GNPTG: variants seen among roughly 807,000 people sequenced by gnomAD.
The protein encoded by GNPTG is N-acetylglucosamine-1-phosphotransferase subunit gamma.
GNPTG carries 46 observed loss-of-function variants against 43.8 expected under a neutral mutation model. The ratio of observed to expected loss-of-function variants is 1.05; its 90% CI spans 0.83 to 1.34. The LOEUF (loss-of-function observed/expected upper bound fraction) is 1.34. GNPTG is among the 40% of genes most tolerant of loss of function. The pLI is 0.00. For synonymous variants in GNPTG, 250 were observed against 172.8 expected (o/e 1.45, Z -3.50); for missense variants, 549 against 411.3 (o/e 1.33, Z -2.90).
At chr16:1,359,111 C>G (rs1266740263) in intron 3 of GNPTG, 1 of 152,228 alleles carries the variant, frequency 6.6e-6, no homozygotes, top group African/African-American at 2.4e-5. Flanking sequence ...CTGCCTCGGC[C>G]TCCCGAAGTG....
rs774108877 is a variant in GNPTG, at chr16:1,362,643, G to A, written c.642G>A (p.Glu214=). The change falls in exon 9 of 11, where the codon GAG becomes GAA. Residue 214 remains glutamate (E), a synonymous_variant. Coordinates refer to ENST00000204679, the MANE Select transcript of GNPTG (RefSeq NM_032520.5). ...GHEKLLRTLF[E]DAGYLKTPEE... ...AGAAGTTGCTGAGGACACTTTTTGA[G>A]GATGCTGGCTACTTAAAGACCCCAG... The A allele has an allele frequency of 5.6e-6, 9 of 1,614,042 alleles. No individual in the cohort carries two copies. The African/African-American group carries it at 8.0e-5, about 14-fold the overall frequency.
In GNPTG at chr16:1,362,248, TCCGAG is replaced by T; in HGVS notation, c.461_465del (p.Pro154HisfsTer43). On this transcript the variant is annotated frameshift_variant, in exon 7 of 11. Transcript: ENST00000204679. LOFTEE classifies it high-confidence loss of function. ...AAAAAGCAACCGGCTGGCCCATGTG[TCCGAG>T]CCGAGCACCTGCGTCTACGCGCTGA... is the stretch of plus-strand genomic sequence containing the variant. 6.2e-7 allele frequency: 1 copy of T among 1,613,506 alleles called. No homozygotes were observed. The highest frequency in any genetic ancestry group is 8.5e-7 in the Non-Finnish European group (1 of 1,179,960).
intron 3 of GNPTG, among the ~76,000 whole-genome samples, chr16:1,357,483 T>TTTATTA (rs113850025): frequency 0.026 from 3,851 of 150,572 alleles, 102 homozygotes; most frequent in African/African-American, 0.066. Flanking sequence ...GTATTTCGAC[T>TTTATTA]TTATTATTAT....
rs1018283678 is a variant in GNPTG at position 1,363,352 on chromosome 16, C to G, written c.*261C>G. 3 of 475,126 alleles carry G rather than the reference C, an allele frequency of 6.3e-6. No homozygotes were observed. The highest frequency in any genetic ancestry group is 1.2e-5 in the Non-Finnish European group (3 of 259,364). The allele number at this position is 475,126 out of a possible 1,614,324, so 29.4% of individuals were successfully genotyped here. A position where few individuals can be genotyped will look rare whatever the true frequency, so the allele number is the denominator to read the frequency against. On this transcript the variant is annotated 3_prime_UTR_variant, in exon 11 of 11. Transcript: ENST00000204679. ...TACAAGTAAATGATTATAAATACTA[C>G]CTTCTGGGTTAAGAAAATTCCATTC...
chr16:1,352,967 ATTTTT>A (rs3078768), intron 3 of GNPTG, among the ~76,000 whole-genome samples: 3 of 132,668 alleles, frequency 2.3e-5, no homozygotes, highest in Admixed American at 7.8e-5. Context: ...AAATCCAAGA[ATTTTT>A]TTTTTTTTTT....
rs750277954 is a variant in GNPTG at position 1,361,917 on chromosome 16, G to A, written c.279G>A (p.Glu93=). 7.4e-6 allele frequency: 12 copies of A among 1,613,616 alleles called. No individual in the cohort carries two copies. The East Asian group carries it at 2.0e-4, about 27-fold the overall frequency. The stretch of plus-strand genomic sequence containing the variant: ...CGTTCCACAACGTGACCCAGCACGA[G>A]CAGACCTTCCGCTGGAACGCCTACA... ...FCPFHNVTQH[E]QTFRWNAYSG... The change falls in exon 5 of 11, where the codon GAG becomes GAA. Residue 93 remains glutamate, a synonymous_variant. Coordinates refer to ENST00000204679, the MANE Select transcript of GNPTG (RefSeq NM_032520.5).
chr16:1,363,730 G>A lies in GNPTG; in HGVS notation c.*639G>A, dbSNP rs1365154041. 3 of 164,182 alleles carry A rather than the reference G, an allele frequency of 1.8e-5. No homozygotes were observed. Among genetic ancestry groups the A allele is most frequent in the Non-Finnish European group, 4.0e-5 (3 of 75,146 alleles). The allele number at this position is 164,182 out of a possible 1,614,324, so 10.2% of individuals were successfully genotyped here. On this transcript the variant is annotated 3_prime_UTR_variant, in exon 11 of 11. Transcript: ENST00000204679. ...ACCAAGACAGGTGAGGGAGGCCCCAGGGCACACAGCCCCAGGATCTTGCCC... is the reference window on the plus strand; with the variant it reads ...ACCAAGACAGGTGAGGGAGGCCCCAAGGCACACAGCCCCAGGATCTTGCCC...
intron 3 of GNPTG, chr16:1,361,531 C>G: frequency 5.5e-6 from 3 of 543,864 alleles, no homozygotes; most frequent in Non-Finnish European, 9.9e-6. Context: ...GTAGTCCCAG[C>G]TACTTGGGAG....
At chr16:1,360,326 C>A (rs2034847941) in intron 3 of GNPTG, among the ~76,000 whole-genome samples, 1 of 152,100 alleles carries the variant, frequency 6.6e-6, no homozygotes, top group Non-Finnish European at 1.5e-5. Flanking sequence ...GTCTTTAAAT[C>A]TGAAGTTAGT....
In GNPTG at chr16:1,352,237, A is replaced by G; in HGVS notation, c.111-2A>G. ...CCCCGCTGACCTTGCCGCTTCCCGT[A>G]GGGTGAACAACCCGTTCTTGCCTCA... On this transcript the variant is annotated splice_acceptor_variant, in intron 2 of 10. Transcript: ENST00000204679. LOFTEE classifies it high-confidence loss of function. The G allele has an allele frequency of 6.5e-7, 1 of 1,549,062 alleles. No individual in the cohort carries two copies. The highest frequency in any genetic ancestry group is 1.2e-5 in the South Asian group (1 of 84,006).
intron 3 of GNPTG, chr16:1,361,469 C>G (rs933227002): frequency 2.4e-6 from 1 of 408,458 alleles, no homozygotes; most frequent in African/African-American, 2.1e-5. Context: ...GCGGTGAAAC[C>G]CCGTCTCTAC....
At chr16:1,361,823 G>A in intron 4 of GNPTG, 26 bp downstream of exon 4, 2 of 1,613,990 alleles carry the variant, frequency 1.2e-6, no homozygotes, top group Non-Finnish European at 8.5e-7. Context: ...GTGCGAGGGT[G>A]GGCTGGGGCG....
At chr16:1,359,935 C>A (rs1241465952) in intron 3 of GNPTG, among the ~76,000 whole-genome samples, 1 of 152,016 alleles carries the variant, frequency 6.6e-6, no homozygotes, top group Non-Finnish European at 1.5e-5. Flanking sequence ...CATGGAGAAA[C>A]CCCGTCTCTA....
intron 3 of GNPTG, among the ~76,000 whole-genome samples, chr16:1,357,094 T>G (rs1162933541): frequency 1.3e-5 from 2 of 152,112 alleles, no homozygotes; most frequent in Non-Finnish European, 2.9e-5. Flanking sequence ...CACCCCAGGC[T>G]GTGGGACAGC....
At chr16:1,360,885 C>G (rs899214989) in intron 3 of GNPTG, 1 of 152,460 alleles carries the variant, frequency 6.6e-6, no homozygotes, top group Non-Finnish European at 1.5e-5. Flanking sequence ...GGGTGGCACA[C>G]CGGCCTGCAT....
At chr16:1,354,628 A>T (rs2141635803) in intron 3 of GNPTG, among the ~76,000 whole-genome samples, 1 of 151,220 alleles carries the variant, frequency 6.6e-6, no homozygotes, top group East Asian at 2.0e-4. Flanking sequence ...AATTTAGAAA[A>T]GAATACCTCT....
chr16:1,353,067 T>G (rs2034713196), intron 3 of GNPTG, among the ~76,000 whole-genome samples: 1 of 151,562 alleles, frequency 6.6e-6, no homozygotes, highest in Admixed American at 6.6e-5. Flanking sequence ...CCTCCCAGGT[T>G]CAAGCGATCC....
At position 1,362,697 on chromosome 16, in the gene GNPTG, A is replaced by C; in HGVS notation, c.696A>C (p.Gly232=). Reference sequence around the variant, plus strand: ...AAAATGAACCCACCCAGCTGGAGGGAGGTCCTGACAGCTTGGGGTTTGAGA... The same window carrying C: ...AAAATGAACCCACCCAGCTGGAGGGCGGTCCTGACAGCTTGGGGTTTGAGA... ...PEENEPTQLE[G]GPDSLGFETL... Residue 232 remains glycine, a synonymous_variant, in exon 9 of 11, where the codon GGA becomes GGC. Coordinates refer to ENST00000204679, the MANE Select transcript of GNPTG (RefSeq NM_032520.5). 1 of 1,614,104 alleles carries C rather than the reference A, an allele frequency of 6.2e-7. No individual in the cohort carries two copies. Among genetic ancestry groups the C allele is most frequent in the East Asian group, 2.2e-5 (1 of 44,878 alleles).
intron 3 of GNPTG, among the ~76,000 whole-genome samples, chr16:1,356,075 G>A (rs1198564339): frequency 1.3e-5 from 2 of 152,082 alleles, no homozygotes; most frequent in Admixed American, 1.3e-4. Flanking sequence ...CAGCGTGGGA[G>A]GGAGGACCAC....
Sources: gnomAD v4.1 joint callset for allele counts (sites outside exome capture counted in the v4.1 genomes callset) on GRCh38, gnomAD v4.1.1 for gene constraint, MANE v1.5 for transcripts, NCBI Gene and HGNC (gene_info 2026-07-23, HGNC 2026-07-21) for gene names.